Variants in TBL1X observed in about 807,000 individuals in gnomAD.
TBL1X encodes F-box-like/WD repeat-containing protein TBL1X.
Under a neutral mutation model 50.7 loss-of-function variants are expected in TBL1X, and 10 were observed. The ratio of observed to expected loss-of-function variants is 0.20; its 90% confidence interval spans 0.12 to 0.33. The LOEUF is 0.33. Among genes scored for constraint, TBL1X ranks in the 10% least tolerant of loss-of-function variants. The probability of loss-of-function intolerance (pLI) is 1.00; values close to 1 mark genes in which losing one functional copy is unlikely to be tolerated. For missense variants in TBL1X, 340 were observed against 504.4 expected, an observed-to-expected ratio of 0.67 and a Z score of 3.12; for synonymous variants, 190 against 214.7, an observed-to-expected ratio of 0.88 and a Z score of 1.01.
chrX:9,651,168 C>CA (rs765291064), intron 3 of TBL1X, among the ~76,000 whole-genome samples: 42 of 109,605 alleles, frequency 3.8e-4, no homozygotes, highest in African/African-American at 1.4e-3. Context: ...GCTGGGACTA[C>CA]AGGCGTGCAC....
intron 2 of TBL1X, among the ~76,000 whole-genome samples, chrX:9,554,377 A>C (rs1304266738): frequency 8.9e-6 from 1 of 112,562 alleles, no homozygotes; most frequent in Non-Finnish European, 1.9e-5. Context: ...TTGTGATTGT[A>C]ACAAGACACA....
chrX:9,482,349 C>A (rs979467158), intron 1 of TBL1X, among the ~76,000 whole-genome samples: 4 of 111,609 alleles, frequency 3.6e-5, no homozygotes, highest in African/African-American at 1.3e-4. Flanking sequence ...TTTTCCGTGT[C>A]TATGGAAATG....
chrX:9,555,965 A>G (rs1367604035), intron 2 of TBL1X, among the ~76,000 whole-genome samples: 2 of 111,169 alleles, frequency 1.8e-5, no homozygotes, highest in Non-Finnish European at 3.8e-5. Context: ...AGGTGGGAGG[A>G]TCACTTGATC....
At chrX:9,569,762 C>T (rs975730278) in intron 2 of TBL1X, among the ~76,000 whole-genome samples, 1 of 112,377 alleles carries the variant, frequency 8.9e-6, no homozygotes, top group African/African-American at 3.2e-5. Flanking sequence ...AGGTAGTTGT[C>T]ACGGAAAGGG....
At chrX:9,565,179 G>A (rs1353496179) in intron 2 of TBL1X, among the ~76,000 whole-genome samples, 1 of 105,064 alleles carries the variant, frequency 9.5e-6, no homozygotes, top group Admixed American at 1.0e-4. Context: ...GGCTGAAGCA[G>A]GAGAATGGCG....
In TBL1X at chrX:9,552,356, A is replaced by G. The variant is rs757768565; in HGVS notation, c.-131+50507A>G. Among the ~76,000 whole-genome samples the G allele has an allele frequency of 3.6e-5, 4 of 111,817 alleles. No individual in the cohort carries two copies. In the South Asian group the frequency reaches 1.1e-3, roughly 32 times the overall value. ...CTCTGTGACTTGGGGATAACAGTAC[A>G]TGTGAGCGTGAAATAAGAGTATAAA... On this transcript the variant is annotated intron_variant, in intron 2 of 17. Transcript: ENST00000645353.
At chrX:9,615,635 A>G (rs17327427) in intron 2 of TBL1X, among the ~76,000 whole-genome samples, 1,584 of 112,235 alleles carry the variant, frequency 0.014, 65 homozygotes, top group East Asian at 0.11. Context: ...CCCTGTAACC[A>G]GAGTCCTCTT....
At chrX:9,522,197 T>A (rs2082110564) in intron 2 of TBL1X, among the ~76,000 whole-genome samples, 1 of 110,015 alleles carries the variant, frequency 9.1e-6, no homozygotes, top group Admixed American at 9.7e-5. Context: ...TTTTAACTTT[T>A]GTAGAGATGG....
intron 2 of TBL1X, among the ~76,000 whole-genome samples, chrX:9,606,107 T>TG (rs899377593): frequency 4.5e-5 from 5 of 111,667 alleles, no homozygotes; most frequent in Non-Finnish European, 9.4e-5. Flanking sequence ...CGTGTGGGGC[T>TG]GGGGGGTCAG....
At chrX:9,489,890 CTG>C (rs1298454274) in intron 1 of TBL1X, among the ~76,000 whole-genome samples, 2 of 111,718 alleles carry the variant, frequency 1.8e-5, no homozygotes, top group African/African-American at 3.3e-5. Flanking sequence ...GTGGAAGAGA[CTG>C]TGGATACATC....
intron 12 of TBL1X, among the ~76,000 whole-genome samples, chrX:9,704,553 CTG>C (rs2083195271): frequency 9.0e-6 from 1 of 111,558 alleles, no homozygotes; most frequent in African/African-American, 3.3e-5. Context: ...TAGAAAGAGA[CTG>C]TGTTCACGCT....
At chrX:9,647,483 C>T (rs2082811305) in intron 3 of TBL1X, among the ~76,000 whole-genome samples, 1 of 111,631 alleles carries the variant, frequency 9.0e-6, no homozygotes, top group Non-Finnish European at 1.9e-5. Flanking sequence ...CTGGGTCAGG[C>T]AAGAAAATAA....
intron 5 of TBL1X, among the ~76,000 whole-genome samples, chrX:9,678,893 T>C (rs778455056): frequency 3.2e-4 from 36 of 111,882 alleles, no homozygotes; most frequent in Admixed American, 2.1e-3. Context: ...AGACAAATTC[T>C]TATACAGACT....
At chrX:9,541,942 CTTTTTT>C (rs747084885) in intron 2 of TBL1X, among the ~76,000 whole-genome samples, 11 of 95,330 alleles carry the variant, frequency 1.2e-4, no homozygotes, top group African/African-American at 3.4e-4. Context: ...TTTCTTTTTT[CTTTTTT>C]TTTTTTTTTA....
intron 2 of TBL1X, among the ~76,000 whole-genome samples, chrX:9,537,987 G>T (rs1476553812): frequency 2.7e-5 from 3 of 111,623 alleles, no homozygotes. Flanking sequence ...GGTGTGGCGG[G>T]AAGTGAGGCC....
chrX:9,531,451 T>C (rs187373328), intron 2 of TBL1X, among the ~76,000 whole-genome samples: 1 of 106,448 alleles, frequency 9.4e-6, no homozygotes, highest in Non-Finnish European at 1.9e-5. Context: ...TCATAAATAT[T>C]TCTTGGTTGA....
chrX:9,521,362 C>T (rs2082106003), intron 2 of TBL1X, among the ~76,000 whole-genome samples: 1 of 111,488 alleles, frequency 9.0e-6, no homozygotes, highest in South Asian at 3.8e-4. Context: ...GATGCAGGAA[C>T]TGACCCAGGC....
chrX:9,670,967 G>C (rs1402447845), intron 5 of TBL1X, among the ~76,000 whole-genome samples: 1 of 112,093 alleles, frequency 8.9e-6, no homozygotes, highest in Non-Finnish European at 1.9e-5. Context: ...AATAAAATAA[G>C]GAAGACCTGA....
chrX:9,473,314 T>A (rs1300071714), intron 1 of TBL1X, among the ~76,000 whole-genome samples: 1 of 112,400 alleles, frequency 8.9e-6, no homozygotes, highest in Non-Finnish European at 1.9e-5. Context: ...CAACAGAATC[T>A]TATCAAGCAT....
Sources: allele counts gnomAD v4.1 joint callset (sites outside exome capture counted in the v4.1 genomes callset), GRCh38; gene constraint gnomAD v4.1.1; transcripts MANE v1.5; gene names NCBI Gene and HGNC (gene_info 2026-07-23, HGNC 2026-07-21).